Variants in MYT1L observed in about 807,000 individuals in gnomAD.
The protein encoded by MYT1L is myelin transcription factor 1 like.
MYT1L carries 12 observed loss-of-function variants against 126.7 expected under a neutral mutation model. The observed-to-expected ratio is 0.09, with a 90% CI of 0.06 to 0.15. The LOEUF (loss-of-function observed/expected upper bound fraction) is 0.15. Among genes scored for constraint, MYT1L ranks in the 10% least tolerant of loss-of-function variants. MYT1L has a pLI of 1.00. For synonymous variants in MYT1L, 541 were observed against 604.2 expected, an observed-to-expected ratio of 0.90 and a Z score of 1.53; for missense variants, 979 against 1,585.2, an observed-to-expected ratio of 0.62 and a Z score of 6.49.
At chr2:2,030,893 T>C (rs1453269790) in intron 4 of MYT1L, among the ~76,000 whole-genome samples, 1 of 152,254 alleles carries the variant, frequency 6.6e-6, no homozygotes, top group Admixed American at 6.5e-5. Flanking sequence ...TAATTGTTTT[T>C]CACTTCTTAA....
intron 10 of MYT1L, among the ~76,000 whole-genome samples, chr2:1,919,759 C>T (rs923149759): frequency 2.6e-5 from 4 of 152,052 alleles, no homozygotes; most frequent in African/African-American, 7.2e-5. Flanking sequence ...GACGGAGTCT[C>T]GCTCTGTCCC....
chr2:1,957,514 C>T (rs1396856936), intron 8 of MYT1L, among the ~76,000 whole-genome samples: 1 of 152,156 alleles, frequency 6.6e-6, no homozygotes, highest in African/African-American at 2.4e-5. Flanking sequence ...TCACCTACCT[C>T]TGTCATCTTT....
At chr2:2,080,433 C>T (rs1332409430) in intron 3 of MYT1L, among the ~76,000 whole-genome samples, 1 of 152,154 alleles carries the variant, frequency 6.6e-6, no homozygotes, top group Non-Finnish European at 1.5e-5. Context: ...ACATATATTA[C>T]TTGGGACTTG....
At chr2:2,097,421 A>C (rs945084337) in intron 3 of MYT1L, among the ~76,000 whole-genome samples, 1 of 152,042 alleles carries the variant, frequency 6.6e-6, no homozygotes, top group African/African-American at 2.4e-5. Flanking sequence ...TCTTCCTGTC[A>C]ACACGTGATC....
rs536438979 is a variant in MYT1L at position 2,038,471 on chromosome 2, T to A, written c.-158+15507A>T. Among the ~76,000 whole-genome samples the A allele has an allele frequency of 2.6e-5, 4 of 152,230 alleles. No individual in the cohort carries two copies. In the East Asian group the frequency reaches 7.7e-4, roughly 29 times the overall value. Reference sequence around the variant, plus strand: ...CCACCCTCCTTCAACCATTACTCAATGGTTGGCCAGCGCTGCCTCCCTGGC... The same window carrying A: ...CCACCCTCCTTCAACCATTACTCAAAGGTTGGCCAGCGCTGCCTCCCTGGC... On this transcript the variant is annotated intron_variant, in intron 4 of 24. Transcript: ENST00000647738.
intron 2 of MYT1L, among the ~76,000 whole-genome samples, chr2:2,197,533 A>C (rs1470031490): frequency 2.0e-5 from 3 of 151,892 alleles, no homozygotes; most frequent in African/African-American, 7.3e-5. Context: ...TGTATATAAC[A>C]TATACACCCA....
At chr2:2,232,798 A>G (rs2094191958) in intron 2 of MYT1L, among the ~76,000 whole-genome samples, 1 of 152,210 alleles carries the variant, frequency 6.6e-6, no homozygotes, top group Admixed American at 6.5e-5. Context: ...GCAGGCAAGA[A>G]GAGGTGGACT....
In MYT1L at chr2:2,272,335, T is replaced by C. The variant is rs73914907; in HGVS notation, c.-421+12069A>G. Reference sequence around the variant, plus strand: ...GTTCTCTGGGCCTCTAGGACACTCATGGCAGGCTCTCCCTGGCCTCACCCT... The same window carrying C: ...GTTCTCTGGGCCTCTAGGACACTCACGGCAGGCTCTCCCTGGCCTCACCCT... On this transcript the variant is annotated intron_variant, in intron 2 of 24. Transcript: ENST00000647738. Among the ~76,000 whole-genome samples, 1,012 of 152,276 alleles carry C rather than the reference T, an allele frequency of 6.6e-3. 13 individuals carry two copies. The highest frequency in any genetic ancestry group is 0.023 in the African/African-American group (961 of 41,560).
intron 4 of MYT1L, among the ~76,000 whole-genome samples, chr2:2,009,956 G>C (rs935389919): frequency 1.6e-5 from 2 of 124,668 alleles, no homozygotes; most frequent in Non-Finnish European, 1.7e-5. Context: ...AGCTTTTTCT[G>C]TGTCAGTTGA....
chr2:2,015,851 T>C (rs1357324352), intron 4 of MYT1L, among the ~76,000 whole-genome samples: 4 of 152,166 alleles, frequency 2.6e-5, no homozygotes, highest in Admixed American at 6.5e-5. Context: ...GCAGATGTTG[T>C]GTAACCCATA....
intron 2 of MYT1L, among the ~76,000 whole-genome samples, chr2:2,177,768 A>G (rs978957269): frequency 9.9e-5 from 15 of 152,252 alleles, no homozygotes; most frequent in Admixed American, 9.2e-4. Flanking sequence ...GTAGGGGTAA[A>G]CCACCCCCAC....
chr2:2,016,069 C>T (rs1303088960), intron 4 of MYT1L, among the ~76,000 whole-genome samples: 1 of 152,224 alleles, frequency 6.6e-6, no homozygotes, highest in Non-Finnish European at 1.5e-5. Context: ...GGAAGATTTG[C>T]ATTCATCTTG....
chr2:1,928,771 C>G (rs927810429), intron 9 of MYT1L, among the ~76,000 whole-genome samples: 3 of 152,068 alleles, frequency 2.0e-5, no homozygotes, highest in African/African-American at 7.2e-5. Flanking sequence ...GCTTAGTGAG[C>G]CTGCCATCCA....
At chr2:1,903,941 G>C (rs1308867294) in intron 13 of MYT1L, among the ~76,000 whole-genome samples, 1 of 152,246 alleles carries the variant, frequency 6.6e-6, no homozygotes, top group East Asian at 1.9e-4. Context: ...GTGTGTGTGT[G>C]TGTGTGTGCG....
chr2:1,886,353 A>G (rs922658669), intron 18 of MYT1L, 186 bp downstream of exon 18: 2 of 434,874 alleles, frequency 4.6e-6, no homozygotes, highest in African/African-American at 4.1e-5. Context: ...GGGAAAAGGC[A>G]GAATGGGTTG....
intron 8 of MYT1L, chr2:1,974,877 G>A (rs1329499543): frequency 6.6e-6 from 1 of 152,006 alleles, no homozygotes; most frequent in Non-Finnish European, 1.5e-5. Context: ...TTTGATTTAA[G>A]GTTTACCATT....
intron 3 of MYT1L, among the ~76,000 whole-genome samples, chr2:2,115,865 T>C (rs966230051): frequency 6.7e-5 from 10 of 149,218 alleles, no homozygotes; most frequent in Non-Finnish European, 1.3e-4. Flanking sequence ...TTGAGGAAGC[T>C]GAGGCTGAGA....
intron 3 of MYT1L, among the ~76,000 whole-genome samples, chr2:2,125,473 A>G (rs1325274302): frequency 6.6e-6 from 1 of 152,246 alleles, no homozygotes; most frequent in Non-Finnish European, 1.5e-5. Context: ...ACAAAGCAGG[A>G]AACAGGTACA....
intron 8 of MYT1L, among the ~76,000 whole-genome samples, chr2:1,965,917 G>A (rs1426434832): frequency 6.6e-6 from 1 of 152,242 alleles, no homozygotes; most frequent in Admixed American, 6.5e-5. Flanking sequence ...CCAAGCACCC[G>A]TGTGAGACAG....
Sources: gnomAD v4.1 joint callset for allele counts (sites outside exome capture counted in the v4.1 genomes callset) on GRCh38, gnomAD v4.1.1 for gene constraint, MANE v1.5 for transcripts, NCBI Gene and HGNC (gene_info 2026-07-23, HGNC 2026-07-21) for gene names.